The following HNF4G variants were observed in gnomAD, a reference collection of about 807,000 sequenced individuals.
HNF4G encodes hepatocyte nuclear factor 4 gamma.
A neutral mutation model predicts 50.9 loss-of-function variants in HNF4G; 21 were observed. The observed-to-expected ratio is 0.41, with a 90% CI of 0.29 to 0.59. HNF4G has a LOEUF of 0.59. Among genes scored for constraint, HNF4G ranks in the 20% least tolerant of loss-of-function variants. The pLI is 0.26. For missense variants in HNF4G, 527 were observed against 559.4 expected (o/e 0.94, Z 0.58); for synonymous variants, 198 against 185.6 (o/e 1.07, Z -0.54).
intron 1 of HNF4G, among the ~76,000 whole-genome samples, chr8:75,440,586 A>G (rs1811255679): frequency 6.6e-6 from 1 of 152,154 alleles, no homozygotes; most frequent in African/African-American, 2.4e-5. Flanking sequence ...TTTATTTTTC[A>G]TTATTTTATT....
chr8:75,477,002 T>C (rs561432925), intron 1 of HNF4G, among the ~76,000 whole-genome samples: 3 of 152,332 alleles, frequency 2.0e-5, no homozygotes, highest in Admixed American at 2.0e-4. Flanking sequence ...ATCTGTCTTA[T>C]CTATTTTCAA....
At chr8:75,466,428 T>C (rs1421545243) in intron 1 of HNF4G, among the ~76,000 whole-genome samples, 1 of 152,158 alleles carries the variant, frequency 6.6e-6, no homozygotes, top group African/African-American at 2.4e-5. Flanking sequence ...GGCATTTTTT[T>C]CAGTGAAAAT....
intron 1 of HNF4G, among the ~76,000 whole-genome samples, chr8:75,411,709 G>A (rs1156955763): frequency 6.6e-6 from 1 of 152,174 alleles, no homozygotes; most frequent in African/African-American, 2.4e-5. Flanking sequence ...ATGGGAAGCT[G>A]CGTGGTGTAT....
intron 1 of HNF4G, among the ~76,000 whole-genome samples, chr8:75,422,781 C>T (rs765382837): frequency 6.6e-6 from 1 of 152,010 alleles, no homozygotes; most frequent in Non-Finnish European, 1.5e-5. Flanking sequence ...GTACAGGCGC[C>T]CGCCACCATG....
chr8:75,528,153 A>G lies in HNF4G; in HGVS notation c.-23-15658A>G, dbSNP rs1806229949. The stretch of plus-strand genomic sequence containing the variant: ...AAAAGTGATAATATATGAGTGGCCC[A>G]TGTAGTAGGTAGAAAATGAGGGCAA... On this transcript the variant is annotated intron_variant, in intron 2 of 10. Coordinates refer to the HNF4G transcript ENST00000354370. Among the ~76,000 whole-genome samples, 3 of 152,180 alleles carry G rather than the reference A, an allele frequency of 2.0e-5. No homozygotes were observed. The South Asian group carries it at 6.2e-4, about 31-fold the overall frequency.
chr8:75,496,043 G>A (rs1317764948), intron 2 of HNF4G, among the ~76,000 whole-genome samples: 1 of 151,822 alleles, frequency 6.6e-6, no homozygotes, highest in Admixed American at 6.6e-5. Context: ...TCTAATAATT[G>A]AATGACAAAA....
intron 1 of HNF4G, among the ~76,000 whole-genome samples, chr8:75,476,586 C>T (rs551641970): frequency 2.0e-5 from 3 of 152,272 alleles, no homozygotes; most frequent in Admixed American, 6.5e-5. Flanking sequence ...GAGAAGATAA[C>T]GTAATACAAA....
exon 2 of HNF4G, chr8:75,490,146 T>G (rs1363384421): frequency 6.6e-6 from 1 of 152,628 alleles, no homozygotes; most frequent in African/African-American, 2.4e-5. Context: ...AACTGACAGC[T>G]TACTCCTTGT....
chr8:75,475,912 T>C (rs1349279642), intron 1 of HNF4G, among the ~76,000 whole-genome samples: 1 of 152,150 alleles, frequency 6.6e-6, no homozygotes, highest in Non-Finnish European at 1.5e-5. Flanking sequence ...TTGTTGAACT[T>C]CATTTTTGAA....
At chr8:75,464,488 C>T (rs990554507) in intron 1 of HNF4G, among the ~76,000 whole-genome samples, 3 of 151,862 alleles carry the variant, frequency 2.0e-5, no homozygotes, top group African/African-American at 7.3e-5. Context: ...ATTTTTTCCC[C>T]TTGGAAATGT....
upstream of HNF4G, chr8:75,539,738 A>G (rs1449486630): frequency 4.9e-6 from 2 of 408,024 alleles, no homozygotes. Flanking sequence ...AAGCATTCCA[A>G]GATTATCACA....
At chr8:75,542,965 C>A (rs185328641) in intron 1 of HNF4G, among the ~76,000 whole-genome samples, 1 of 151,934 alleles carries the variant, frequency 6.6e-6, no homozygotes, top group East Asian at 1.9e-4. Flanking sequence ...GTGGGCAGAC[C>A]GCCTGCTGAG....
intron 3 of HNF4G, among the ~76,000 whole-genome samples, chr8:75,549,027 T>G (rs573989917): frequency 6.6e-6 from 1 of 152,354 alleles, no homozygotes; most frequent in African/African-American, 2.4e-5. Context: ...CTTCCTCCAT[T>G]TTTACTTGAA....
At position 75,520,516 on chromosome 8, in the gene HNF4G, C is replaced by T. The variant is rs545855227; in HGVS notation, c.-23-23295C>T. On this transcript the variant is annotated intron_variant, in intron 2 of 10. Coordinates refer to the HNF4G transcript ENST00000354370. ...ACAGTGAAATGATCTTGGCTCACTGCAGCCTAGACCTCCTGGGCTCAAGCA... is the reference window on the plus strand; with the variant it reads ...ACAGTGAAATGATCTTGGCTCACTGTAGCCTAGACCTCCTGGGCTCAAGCA... Among the ~76,000 whole-genome samples the T allele has an allele frequency of 3.3e-5, 5 of 152,170 alleles. No individual in the cohort carries two copies. In the East Asian group the frequency reaches 9.6e-4, roughly 29 times the overall value.
upstream of HNF4G, among the ~76,000 whole-genome samples, chr8:75,535,091 A>G (rs967628424): frequency 4.6e-5 from 7 of 151,954 alleles, no homozygotes; most frequent in East Asian, 1.3e-3. Context: ...GTTTATCTAA[A>G]AATTACACAT....
At chr8:75,462,031 C>T (rs879738806) in intron 1 of HNF4G, among the ~76,000 whole-genome samples, 1 of 151,488 alleles carries the variant, frequency 6.6e-6, no homozygotes, top group Admixed American at 6.6e-5. Context: ...AATTCTCCTG[C>T]CTCAGCCTCC....
intron 1 of HNF4G, among the ~76,000 whole-genome samples, chr8:75,428,431 A>G (rs140713540): frequency 6.6e-6 from 1 of 152,276 alleles, no homozygotes; most frequent in African/African-American, 2.4e-5. Context: ...GTATTTATGG[A>G]GCTTCCAGCT....
intron 3 of HNF4G, among the ~76,000 whole-genome samples, chr8:75,550,684 G>A (rs1806923380): frequency 7.4e-6 from 1 of 135,176 alleles, no homozygotes; most frequent in Non-Finnish European, 1.5e-5. Context: ...TAAGGGATTT[G>A]GGGAATTACA....
chr8:75,547,702 A>G, intron 3 of HNF4G, 21 bp downstream of exon 3: 1 of 1,326,484 alleles, frequency 7.5e-7, no homozygotes. Context: ...TGATGATGAT[A>G]ATTAACATTA....
Sources: gnomAD v4.1 joint callset for allele counts (sites outside exome capture counted in the v4.1 genomes callset) on GRCh38, gnomAD v4.1.1 for gene constraint, MANE v1.5 for transcripts, NCBI Gene and HGNC (gene_info 2026-07-23, HGNC 2026-07-21) for gene names.